The following GPN2 variants were observed in gnomAD, a reference collection of about 807,000 sequenced individuals.
The protein encoded by GPN2 is ATP-binding domain 1 family member B.
In GPN2, 27 loss-of-function variants were observed where a neutral mutation model predicts 30.1. The ratio of observed to expected loss-of-function variants is 0.90; its 90% CI spans 0.66 to 1.24. The LOEUF (loss-of-function observed/expected upper bound fraction) is 1.24, where lower values mean the gene tolerates loss of function less well. GPN2 is among the 50% of genes most tolerant of loss of function. The pLI, the probability that GPN2 is intolerant of heterozygous loss-of-function variation, is 0.00. For synonymous variants in GPN2, 212 were observed against 174.4 expected, an observed-to-expected ratio of 1.22 and a Z score of -1.70; for missense variants, 406 against 405.4, an observed-to-expected ratio of 1.00 and a Z score of -0.01.
intron 4 of GPN2, among the ~76,000 whole-genome samples, chr1:26,881,859 A>G (rs763526878): frequency 6.6e-6 from 1 of 151,692 alleles, no homozygotes; most frequent in African/African-American, 2.4e-5. Context: ...GCAGTGAGCT[A>G]TGATTGCATC....
At chr1:26,882,705 CTG>C (rs2081870574) in intron 4 of GPN2, among the ~76,000 whole-genome samples, 1 of 152,248 alleles carries the variant, frequency 6.6e-6, no homozygotes, top group Admixed American at 6.5e-5. Context: ...CGCATGGCCT[CTG>C]TGACCTGATG....
chr1:26,879,922 C>T (rs1330407293), intron 4 of GPN2, among the ~76,000 whole-genome samples, 173 bp from the exon 5 acceptor site: 1 of 152,210 alleles, frequency 6.6e-6, no homozygotes, highest in Non-Finnish European at 1.5e-5. Flanking sequence ...GACTCAAATG[C>T]TCCTCTATCT....
Position 26,884,272 on chromosome 1 carries a change from G to C in GPN2, c.748C>G (p.Arg250Gly). ...GCTTTATCCACAGCCTGCAGGACTC[G>C]CTGGATGCTCTCCTTGTCCTGAGCA... ...LNIQDKESIQ[R>G]VLQAVDKANG... Residue 250 changes from arginine (R) to glycine (G), a missense_variant, in exon 4 of 5, where the codon CGA becomes GGA. By Grantham distance (125) the Arg-to-Gly change is moderately radical. Transcript: ENST00000374135. 1.2e-6 allele frequency: 2 copies of C among 1,612,630 alleles called. No individual in the cohort carries two copies. The highest frequency in any genetic ancestry group is 1.1e-5 in the South Asian group (1 of 90,910).
chr1:26,889,743 G>A lies in GPN2; in HGVS notation c.354C>T (p.Cys118=). 1 of 1,612,570 alleles carries A rather than the reference G, an allele frequency of 6.2e-7. No individual in the cohort carries two copies. ...LFDCPGQVEL[C]THHGALRSIF... ...TGCTGCGCAAGGCGCCGTGATGCGT[G>A]CAGAGCTCCACCTGGCCTGGGCAGT... The change falls in exon 1 of 5, where the codon TGC becomes TGT. Residue 118 remains cysteine, a synonymous_variant. Coordinates refer to ENST00000374135, the MANE Select transcript of GPN2 (RefSeq NM_018066.4).
intron 4 of GPN2, among the ~76,000 whole-genome samples, chr1:26,880,839 C>T (rs1307455493): frequency 2.6e-5 from 4 of 152,222 alleles, no homozygotes; most frequent in Non-Finnish European, 5.9e-5. Context: ...GTTCTCTTAA[C>T]TTGAATTCCC....
intron 3 of GPN2, 107 bp from the exon 4 acceptor site, chr1:26,884,397 T>A: frequency 8.5e-7 from 1 of 1,174,078 alleles, no homozygotes; most frequent in South Asian, 1.6e-5. Context: ...ACCTGTAGCT[T>A]TCTTGGCCTG....
In GPN2 at chr1:26,890,147, T is replaced by A. The variant is rs2081914281; in HGVS notation, c.-51A>T. 1.4e-6 allele frequency: 2 copies of A among 1,431,800 alleles called. No individual in the cohort carries two copies. Among genetic ancestry groups the A allele is most frequent in the Admixed American group, 5.2e-5 (2 of 38,168 alleles). The allele number at this position is 1,431,800 out of a possible 1,614,324, so 88.7% of individuals were successfully genotyped here. A position where few individuals can be genotyped will look rare whatever the true frequency, so the allele number is the denominator to read the frequency against. ...CAACTCACAGGGAAAACGGGGCAGG[T>A]AGCCGCGCCGGAGACGAGACTGAGG... On this transcript the variant is annotated 5_prime_UTR_variant, in exon 1 of 5. Coordinates refer to ENST00000374135, the MANE Select transcript of GPN2 (RefSeq NM_018066.4).
At chr1:26,884,133 C>T in intron 4 of GPN2, 27 bp downstream of exon 4, 1 of 1,603,224 alleles carries the variant, frequency 6.2e-7, no homozygotes, top group Non-Finnish European at 8.5e-7. Flanking sequence ...ACCCTCTCTG[C>T]TATGGCCAGG....
Position 26,879,606 on chromosome 1 carries a change from G to T in GPN2, c.*71C>A. The T allele has an allele frequency of 8.6e-7, 1 of 1,158,938 alleles. No individual in the cohort carries two copies. Among genetic ancestry groups the T allele is most frequent in the Non-Finnish European group, 1.3e-6 (1 of 778,482 alleles). 71.8% of individuals were successfully genotyped at this position (1,158,938 alleles called of 1,614,324 possible). On this transcript the variant is annotated 3_prime_UTR_variant, in exon 5 of 5. Coordinates refer to ENST00000374135, the MANE Select transcript of GPN2 (RefSeq NM_018066.4). ...GGGAGGACTTGCTCTTGGGTCTGCAGCCTGCATCAGGAGCCTCCACTTTCC... is the reference window on the plus strand; with the variant it reads ...GGGAGGACTTGCTCTTGGGTCTGCATCCTGCATCAGGAGCCTCCACTTTCC...
chr1:26,889,186 G>C (rs1349013025), intron 1 of GPN2, 61 bp from the exon 2 acceptor site: 1 of 1,303,558 alleles, frequency 7.7e-7, no homozygotes. Flanking sequence ...ATTCCCTCAT[G>C]AGAATGAGGG....
chr1:26,889,949 C>A lies in GPN2; in HGVS notation c.148G>T (p.Glu50Ter). The change falls in exon 1 of 5, where the codon GAG becomes TAG. Residue 50 changes from glutamate to a stop codon, truncating the protein, a stop_gained. Coordinates refer to ENST00000374135, the MANE Select transcript of GPN2 (RefSeq NM_018066.4). LOFTEE classifies it high-confidence loss of function. ...ACGGCACACTCGTACGGCAGCCCCT[C>A]GTTGGCCGGGTCCAGGTTCACCACC... ...VAVVNLDPAN[E>*]GLPYECAVDV... is the part of the protein sequence containing the mutation. 1 of 1,607,788 alleles carries A rather than the reference C, an allele frequency of 6.2e-7. No homozygotes were observed. The highest frequency in any genetic ancestry group is 8.5e-7 in the Non-Finnish European group (1 of 1,179,296).
chr1:26,884,386 T>C, intron 3 of GPN2, 96 bp from the exon 4 acceptor site: 6 of 1,274,320 alleles, frequency 4.7e-6, no homozygotes, highest in Non-Finnish European at 6.4e-6. Context: ...CTTGCCTCTG[T>C]ACCTGTAGCT....
chr1:26,887,015 A>T (rs772098748), intron 2 of GPN2, among the ~76,000 whole-genome samples: 1 of 133,184 alleles, frequency 7.5e-6, no homozygotes, highest in Non-Finnish European at 1.6e-5. Context: ...AAAAAAAAAA[A>T]GTTGCAAATA....
intron 3 of GPN2, 85 bp from the exon 4 acceptor site, chr1:26,884,375 T>A (rs1181705892): frequency 2.7e-5 from 37 of 1,392,558 alleles, no homozygotes; most frequent in Non-Finnish European, 3.5e-5. Context: ...CCTTCCTCCA[T>A]CTTGCCTCTG....
chr1:26,884,142 G>C lies in GPN2; in HGVS notation c.860+18C>G. On this transcript the variant is annotated intron_variant, in intron 4 of 4. Transcript: ENST00000374135. ...TGTCTCACCCTCTCTGCTATGGCCA[G>C]GAAGCTGGCAAGGATACGAAGAGAA... The C allele has an allele frequency of 6.2e-7, 1 of 1,607,900 alleles. No individual in the cohort carries two copies. Among genetic ancestry groups the C allele is most frequent in the Non-Finnish European group, 8.5e-7 (1 of 1,176,730 alleles).
At chr1:26,882,041 C>A (rs533065353) in intron 4 of GPN2, among the ~76,000 whole-genome samples, 1 of 152,132 alleles carries the variant, frequency 6.6e-6, no homozygotes, top group Non-Finnish European at 1.5e-5. Context: ...CATGGTAAAA[C>A]GCTGTCTCTA....
intron 4 of GPN2, among the ~76,000 whole-genome samples, chr1:26,880,493 A>G (rs1311185895): frequency 6.6e-6 from 1 of 152,130 alleles, no homozygotes; most frequent in Non-Finnish European, 1.5e-5. Context: ...TTCTATTTTT[A>G]GTAGAGACAG....
Position 26,888,978 on chromosome 1 carries a change from C to T in GPN2, c.559G>A (p.Gly187Arg). Residue 187 changes from glycine to arginine, a missense_variant, in exon 2 of 5, where the codon GGG (glycine) becomes AGG (arginine). Coordinates refer to ENST00000374135, the MANE Select transcript of GPN2 (RefSeq NM_018066.4). ...LSKMDLIEHYGKLAFNLDYYT... is the reference protein window; with the variant it reads ...LSKMDLIEHYRKLAFNLDYYT... ...GAACAGAAGCTCTTACCCAGCTTCC[C>T]ATAATGCTCAATGAGGTCCATCTTG... 1 of 1,614,214 alleles carries T rather than the reference C, an allele frequency of 6.2e-7. No homozygotes were observed. Among genetic ancestry groups the T allele is most frequent in the Non-Finnish European group, 8.5e-7 (1 of 1,180,030 alleles).
chr1:26,884,214 C>T lies in GPN2; in HGVS notation c.806G>A (p.Arg269Gln), dbSNP rs773530781. The change falls in exon 4 of 5, where the codon CGA becomes CAA. Residue 269 changes from arginine to glutamine, a missense_variant. Physicochemically the swap from Arg to Gln is conservative, Grantham distance 43 (BLOSUM62 1). Transcript: ENST00000374135. ...NGYCFRAQEQ[R>Q]SLEAMMSAAM... is the part of the protein sequence containing the mutation. The stretch of plus-strand genomic sequence containing the variant: ...GGCAGACATCATGGCTTCCAAGCTT[C>T]GCTGCTCTTGGGCTCTGAAACAGTA... The T allele has an allele frequency of 6.2e-6, 10 of 1,613,982 alleles. No homozygotes were observed. Among genetic ancestry groups the T allele is most frequent in the East Asian group, 2.2e-5 (1 of 44,882 alleles).
Sources: allele counts gnomAD v4.1 joint callset (sites outside exome capture counted in the v4.1 genomes callset), GRCh38; gene constraint gnomAD v4.1.1; transcripts MANE v1.5; gene names NCBI Gene and HGNC (gene_info 2026-07-23, HGNC 2026-07-21).